DENND1C: variants seen among roughly 807,000 people sequenced by gnomAD.
The protein encoded by DENND1C is DENN domain containing 1C, also known as DENN domain-containing protein 1C.
DENND1C carries 64 observed loss-of-function variants against 87.9 expected under a neutral mutation model. That is an observed-to-expected ratio of 0.73 (90% CI 0.60 to 0.90). The LOEUF is 0.90. DENND1C is among the 40% of genes least tolerant of loss of function. The probability of loss-of-function intolerance (pLI) is 0.00; values close to 1 mark genes in which losing one functional copy is unlikely to be tolerated. For synonymous variants in DENND1C, 384 were observed against 424.4 expected, an observed-to-expected ratio of 0.90 and a Z score of 1.17; for missense variants, 980 against 1,037.0, an observed-to-expected ratio of 0.95 and a Z score of 0.76.
chr19:6,479,618 C>T, intron 4 of DENND1C, 51 bp downstream of exon 4: 1 of 1,611,808 alleles, frequency 6.2e-7, no homozygotes, highest in Non-Finnish European at 8.5e-7. Flanking sequence ...TCCTTGGGGC[C>T]CCTGAGAGAT....
chr19:6,471,196 C>A, intron 17 of DENND1C, 69 bp downstream of exon 17: 2 of 1,544,218 alleles, frequency 1.3e-6, no homozygotes, highest in Non-Finnish European at 8.8e-7. Flanking sequence ...CCTTCTATCT[C>A]CACCTCCTAA....
In DENND1C at chr19:6,471,310, G is replaced by A. The variant is rs2092827901; in HGVS notation, c.1250-5C>T. 22 of 1,597,562 alleles carry A rather than the reference G, an allele frequency of 1.4e-5. No homozygotes were observed. The highest frequency in any genetic ancestry group is 1.8e-5 in the Non-Finnish European group (21 of 1,172,086). On this transcript the variant is annotated splice_region_variant and splice_polypyrimidine_tract_variant and intron_variant, in intron 16 of 22. Coordinates refer to ENST00000381480, the MANE Select transcript of DENND1C (RefSeq NM_024898.4). Reference sequence around the variant, plus strand: ...GCTGATAGGATCGAAGGGCCCCTGGGGTAAGGAGAGAGTGTGGTGGTCACC... The same window carrying A: ...GCTGATAGGATCGAAGGGCCCCTGGAGTAAGGAGAGAGTGTGGTGGTCACC...
At chr19:6,481,004 G>A (rs1404665802) in intron 1 of DENND1C, among the ~76,000 whole-genome samples, 4 of 151,798 alleles carry the variant, frequency 2.6e-5, no homozygotes, top group Non-Finnish European at 4.4e-5. Flanking sequence ...CTGGGTAACC[G>A]CGTGGGATCC....
rs762063449 is a variant in DENND1C at position 6,479,068 on chromosome 19, A to G, written c.177-12T>C. 11 of 1,613,642 alleles carry G rather than the reference A, an allele frequency of 6.8e-6. No homozygotes were observed. In the East Asian group the frequency reaches 2.5e-4, roughly 36 times the overall value. On this transcript the variant is annotated splice_polypyrimidine_tract_variant and intron_variant, in intron 4 of 22. Transcript: ENST00000381480. ...GGCTGGGGGGCTCCCTGGAGTGGGAAGGGCTGTTAGAGAGACCTGGACATC... is the reference window on the plus strand; with the variant it reads ...GGCTGGGGGGCTCCCTGGAGTGGGAGGGGCTGTTAGAGAGACCTGGACATC...
Position 6,467,357 on chromosome 19 carries a change from G to A in DENND1C, c.*147C>T. 8.9e-7 allele frequency: 1 copy of A among 1,120,836 alleles called. No individual in the cohort carries two copies. Among genetic ancestry groups the A allele is most frequent in the Non-Finnish European group, 1.2e-6 (1 of 835,812 alleles). The allele number at this position is 1,120,836 out of a possible 1,614,324, so 69.4% of individuals were successfully genotyped here. On this transcript the variant is annotated 3_prime_UTR_variant, in exon 23 of 23. Coordinates refer to ENST00000381480, the MANE Select transcript of DENND1C (RefSeq NM_024898.4). ...AATTCCCTGCTAGGAGCCAGTTAGA[G>A]AGGCTGCCCTTGGAGGGACAGAGGT...
At position 6,479,896 on chromosome 19, in the gene DENND1C, G is replaced by C; in HGVS notation, c.89C>G (p.Pro30Arg). ...ACPASLQEDP[P>R]ILRQFPPDFR... ...GTCTGGAGGGAACTGCCGCAGGATG[G>C]GGGGATCTGTAGAAGAGAGCACGCC... The change falls in exon 3 of 23, where the codon CCC becomes CGC. Residue 30 changes from proline to arginine, a missense_variant. Pro to Arg is a moderately radical substitution (Grantham distance 103). Transcript: ENST00000381480. 1 of 1,604,688 alleles carries C rather than the reference G, an allele frequency of 6.2e-7. No individual in the cohort carries two copies. Among genetic ancestry groups the C allele is most frequent in the Non-Finnish European group, 8.5e-7 (1 of 1,175,844 alleles).
chr19:6,477,133 G>A lies in DENND1C; in HGVS notation c.514-6C>T, dbSNP rs2092866140. On this transcript the variant is annotated splice_polypyrimidine_tract_variant and splice_region_variant and intron_variant, in intron 8 of 22. Transcript: ENST00000381480. ...GGGGCCACGAAGCAGGAAAGCTGGT[G>A]GGGGTATTGGCAGGGGGATCAATCA... 1.2e-6 allele frequency: 2 copies of A among 1,603,700 alleles called. No individual in the cohort carries two copies. The highest frequency in any genetic ancestry group is 1.7e-6 in the Non-Finnish European group (2 of 1,175,144).
intron 14 of DENND1C, among the ~76,000 whole-genome samples, chr19:6,475,072 A>C (rs1300065870): frequency 6.6e-6 from 1 of 151,944 alleles, no homozygotes; most frequent in Non-Finnish European, 1.5e-5. Flanking sequence ...AAACAACAAC[A>C]ACAACAAACG....
chr19:6,474,861 GA>G (rs1298597398), intron 14 of DENND1C, among the ~76,000 whole-genome samples: 1 of 152,060 alleles, frequency 6.6e-6, no homozygotes, highest in Non-Finnish European at 1.5e-5. Flanking sequence ...CTGAGGTCAG[GA>G]GTTCGAGACC....
intron 1 of DENND1C, chr19:6,480,440 T>C (rs1445767091): frequency 1.0e-6 from 1 of 985,076 alleles, no homozygotes; most frequent in African/African-American, 1.8e-5. Flanking sequence ...AGTCCCAAGC[T>C]AAGTGAATTA....
rs1199218092 is a variant in DENND1C at position 6,468,359 on chromosome 19, CT to C, written c.1665del (p.Glu556AsnfsTer5). 3.1e-6 allele frequency: 5 copies of C among 1,613,832 alleles called. No individual in the cohort carries two copies. Among genetic ancestry groups the C allele is most frequent in the Non-Finnish European group, 4.2e-6 (5 of 1,179,878 alleles). On this transcript the variant is annotated frameshift_variant, in exon 22 of 23. Transcript: ENST00000381480. LOFTEE classifies it high-confidence loss of function. ...AGAATCTCGCTCAACAAATCCAGTT[CT>C]TCTCCAGACCCCAAGAAGCTGCTGT... is the stretch of plus-strand genomic sequence containing the variant. ...ALDSSFLGSGEELDLLSEILD... is the reference protein window; with the variant it reads ...ALDSSFLGSGXELDLLSEILD...
chr19:6,473,513 C>T lies in DENND1C; in HGVS notation c.1054-520G>A, dbSNP rs2092841788. ...TGAGTCAGGGTCTCACTCTGTCACCCGTGCTGGAGTGCAGTGGTGTGATCT... is the reference window on the plus strand; with the variant it reads ...TGAGTCAGGGTCTCACTCTGTCACCTGTGCTGGAGTGCAGTGGTGTGATCT... On this transcript the variant is annotated intron_variant, in intron 14 of 22. Coordinates refer to ENST00000381480, the MANE Select transcript of DENND1C (RefSeq NM_024898.4). Among the ~76,000 whole-genome samples, 7 of 149,770 alleles carry T rather than the reference C, an allele frequency of 4.7e-5. No individual in the cohort carries two copies. In the South Asian group the frequency reaches 1.5e-3, roughly 32 times the overall value.
intron 14 of DENND1C, among the ~76,000 whole-genome samples, chr19:6,475,037 AAAACAAACAAAC>A (rs74173089): frequency 2.0e-5 from 3 of 151,176 alleles, no homozygotes; most frequent in South Asian, 4.2e-4. Flanking sequence ...CTCTGTCTCA[AAAACAAACAAAC>A]AAACAAACAA....
intron 18 of DENND1C, 116 bp from the exon 19 acceptor site, chr19:6,469,756 C>T (rs970255104): frequency 5.8e-6 from 6 of 1,027,368 alleles, no homozygotes; most frequent in East Asian, 2.6e-5. Context: ...GTCTCAAATA[C>T]GTTCACCACC....
chr19:6,473,009 G>C lies in DENND1C; in HGVS notation c.1054-16C>G, dbSNP rs1235425363. 4 of 1,504,800 alleles carry C rather than the reference G, an allele frequency of 2.7e-6. No homozygotes were observed. Among genetic ancestry groups the C allele is most frequent in the Admixed American group, 4.7e-5 (2 of 42,176 alleles). The allele number at this position is 1,504,800 out of a possible 1,614,324, so 93.2% of individuals were successfully genotyped here. ...CTGGCTGGCCCTGGAAGAAGCGTTG[G>C]AGTTCTGAGCTCCCTGGGGTGCTCC... On this transcript the variant is annotated splice_polypyrimidine_tract_variant and intron_variant, in intron 14 of 22. Transcript: ENST00000381480.
At chr19:6,473,816 G>GGGGGGGGGGGGGGGCAA (rs1231177042) in intron 14 of DENND1C, among the ~76,000 whole-genome samples, 4 of 131,684 alleles carry the variant, frequency 3.0e-5, no homozygotes, top group South Asian at 2.8e-4. Context: ...GGGGGGTGGG[G>GGGGGGGGGGGGGGGCAA]GGAGGGAAAT....
At position 6,475,846 on chromosome 19, in the gene DENND1C, T is replaced by G; in HGVS notation, c.770A>C (p.Asp257Ala). Residue 257 changes from aspartate (D) to alanine (A), a missense_variant, in exon 11 of 23, where the codon GAC becomes GCC. Transcript: ENST00000381480. ...LIPTLPPHLL[D>A]YCCAPMPYLI... ...AGCTGCCCTCGCTCACCAGCAGTAGTCCAGCAGGTGTGGGGGCAGCGTGGG... is the reference window on the plus strand; with the variant it reads ...AGCTGCCCTCGCTCACCAGCAGTAGGCCAGCAGGTGTGGGGGCAGCGTGGG... The G allele has an allele frequency of 6.5e-7, 1 of 1,542,140 alleles. No individual in the cohort carries two copies. Among genetic ancestry groups the G allele is most frequent in the Non-Finnish European group, 8.7e-7 (1 of 1,146,940 alleles).
rs777422477 is a variant in DENND1C at position 6,468,218 on chromosome 19, TG to T, written c.1791+15del. On this transcript the variant is annotated intron_variant, in intron 22 of 22. Coordinates refer to ENST00000381480, the MANE Select transcript of DENND1C (RefSeq NM_024898.4). ...AAGACTTGGGGTAGGGTTGGGGGAG[TG>T]GGCGAGGCTCTCACCAGGCTGAAGC... 9.9e-6 allele frequency: 16 copies of T among 1,612,326 alleles called. No individual in the cohort carries two copies. Among genetic ancestry groups the T allele is most frequent in the Middle Eastern group, 1.7e-4 (1 of 6,058 alleles).
chr19:6,475,641 C>A (rs943910408), intron 12 of DENND1C, 56 bp from the exon 13 acceptor site: 18 of 1,613,028 alleles, frequency 1.1e-5, no homozygotes, highest in Middle Eastern at 3.3e-4. Context: ...CAGAGGAGGG[C>A]ATCTGGGGAT....
Sources: gnomAD v4.1 joint callset for allele counts (sites outside exome capture counted in the v4.1 genomes callset) on GRCh38, gnomAD v4.1.1 for gene constraint, MANE v1.5 for transcripts, NCBI Gene and HGNC (gene_info 2026-07-23, HGNC 2026-07-21) for gene names.